Variants in PPM1H observed in about 807,000 individuals in gnomAD.
PPM1H encodes protein phosphatase, Mg2+/Mn2+ dependent 1H, also known as protein phosphatase 1H.
PPM1H carries 27 observed loss-of-function variants against 54.9 expected under a neutral mutation model. The ratio of observed to expected loss-of-function variants is 0.49; its 90% confidence interval spans 0.36 to 0.68. PPM1H has a LOEUF of 0.68. Among genes scored for constraint, PPM1H ranks in the 30% least tolerant of loss-of-function variants. The pLI, the probability that PPM1H is intolerant of heterozygous loss-of-function variation, is 0.00. For missense variants in PPM1H, 596 were observed against 667.8 expected (o/e 0.89, Z 1.19); for synonymous variants, 305 against 270.8 (o/e 1.13, Z -1.24).
chr12:62,683,032 ATTTATTATTATTATTAT>A (rs1335821062), intron 8 of PPM1H, among the ~76,000 whole-genome samples: 4 of 126,356 alleles, frequency 3.2e-5, no homozygotes, highest in Non-Finnish European at 5.0e-5. Flanking sequence ...AGAGTTTATT[ATTTATTATTATTATTAT>A]TATTATTATT....
intron 9 of PPM1H, among the ~76,000 whole-genome samples, chr12:62,651,718 CAATTT>C (rs2075817744): frequency 6.6e-6 from 1 of 152,156 alleles, no homozygotes; most frequent in African/African-American, 2.4e-5. Context: ...CTTGCTTTCT[CAATTT>C]ATTACTTCCC....
At chr12:62,811,179 C>G (rs2076833087) in intron 2 of PPM1H, among the ~76,000 whole-genome samples, 1 of 152,168 alleles carries the variant, frequency 6.6e-6, no homozygotes, top group Non-Finnish European at 1.5e-5. Context: ...TGAAACTGCT[C>G]TGAATCCCTG....
chr12:62,659,164 CCCAGCTGG>C, intron 9 of PPM1H: 2 of 726,372 alleles, frequency 2.8e-6, no homozygotes, highest in Non-Finnish European at 5.1e-6. Flanking sequence ...GAAAGAGCTG[CCCAGCTGG>C]CCATCAGAGT....
chr12:62,752,480 G>A (rs2076447835), intron 4 of PPM1H, among the ~76,000 whole-genome samples: 1 of 152,150 alleles, frequency 6.6e-6, no homozygotes, highest in Admixed American at 6.5e-5. Context: ...CATGTGTTCA[G>A]ATCCCCCCAA....
chr12:62,875,039 A>T (rs1870111571), intron 1 of PPM1H, among the ~76,000 whole-genome samples: 1 of 152,242 alleles, frequency 6.6e-6, no homozygotes, highest in South Asian at 2.1e-4. Flanking sequence ...GCTGAGTTCC[A>T]ACAGGCACTG....
Position 62,678,097 on chromosome 12 carries a change from C to T in PPM1H, c.1246-10768G>A, listed in dbSNP as rs184898073. Reference sequence around the variant, plus strand: ...AAGAAGCTGGTACCACAGGTGCACACTACCATGCCTGGCTAAGTTTTGTGT... The same window carrying T: ...AAGAAGCTGGTACCACAGGTGCACATTACCATGCCTGGCTAAGTTTTGTGT... On this transcript the variant is annotated intron_variant, in intron 8 of 9. Transcript: ENST00000228705. Among the ~76,000 whole-genome samples the T allele has an allele frequency of 9.8e-5, 15 of 152,338 alleles. No homozygotes were observed. In the East Asian group the frequency reaches 2.9e-3, roughly 29 times the overall value.
intron 4 of PPM1H, among the ~76,000 whole-genome samples, chr12:62,782,513 T>C (rs2076648351): frequency 6.6e-6 from 1 of 152,114 alleles, no homozygotes; most frequent in Non-Finnish European, 1.5e-5. Context: ...GAAAGATAAA[T>C]GAAAGGAAAC....
intron 1 of PPM1H, among the ~76,000 whole-genome samples, chr12:62,849,158 G>A (rs1380305654): frequency 6.6e-6 from 1 of 152,168 alleles, no homozygotes; most frequent in East Asian, 1.9e-4. Flanking sequence ...AAGGGGTACA[G>A]GGCATCTGGA....
chr12:62,826,237 G>A (rs1441882826), intron 2 of PPM1H, among the ~76,000 whole-genome samples: 1 of 152,164 alleles, frequency 6.6e-6, no homozygotes, highest in East Asian at 1.9e-4. Flanking sequence ...ATCCCCTGAG[G>A]TCAGAAGTTC....
In PPM1H at chr12:62,648,233, C is replaced by A; in HGVS notation, c.*256G>T. On this transcript the variant is annotated 3_prime_UTR_variant, in exon 10 of 10. Transcript: ENST00000228705. ...AATAGTCAATGGCCACCTCGGAGGC[C>A]TATGAAAGGAACTGAAATACAACAA... The A allele has an allele frequency of 2.3e-6, 1 of 425,732 alleles. No individual in the cohort carries two copies. The highest frequency in any genetic ancestry group is 4.1e-5 in the East Asian group (1 of 24,488). 26.4% of individuals were successfully genotyped at this position (425,732 alleles called of 1,614,324 possible).
chr12:62,669,116 T>C (rs1220075785), intron 8 of PPM1H, among the ~76,000 whole-genome samples: 3 of 152,256 alleles, frequency 2.0e-5, no homozygotes, highest in African/African-American at 7.2e-5. Flanking sequence ...CCAAAAGGCA[T>C]GCTCACTTAA....
At position 62,745,739 on chromosome 12, in the gene PPM1H, T is replaced by A. The variant is rs543540270; in HGVS notation, c.870-8153A>T. ...TGTCTGTACTTTTCTACATCACTTGTGCTTTATGGAAAGGACCCAGAAAAA... is the reference window on the plus strand; with the variant it reads ...TGTCTGTACTTTTCTACATCACTTGAGCTTTATGGAAAGGACCCAGAAAAA... On this transcript the variant is annotated intron_variant, in intron 4 of 9. Transcript: ENST00000228705. Among the ~76,000 whole-genome samples the A allele has an allele frequency of 9.6e-4, 146 of 152,346 alleles. 1 individual carries two copies. The highest frequency in any genetic ancestry group is 6.8e-3 in the Middle Eastern group (2 of 294).
intron 7 of PPM1H, among the ~76,000 whole-genome samples, chr12:62,692,581 G>GA (rs2076089293): frequency 6.6e-6 from 1 of 152,106 alleles, no homozygotes; most frequent in African/African-American, 2.4e-5. Context: ...GAACTCACTG[G>GA]ATATTAAAGG....
intron 2 of PPM1H, among the ~76,000 whole-genome samples, chr12:62,823,370 G>T (rs891588846): frequency 6.6e-6 from 1 of 152,172 alleles, no homozygotes; most frequent in African/African-American, 2.4e-5. Context: ...TAGAAAAAGA[G>T]GGAATTCTTC....
In PPM1H at chr12:62,667,285, A is replaced by G. The variant is rs753955753; in HGVS notation, c.1290T>C (p.Asp430=). 1.1e-5 allele frequency: 17 copies of G among 1,607,504 alleles called. No homozygotes were observed. Among genetic ancestry groups the G allele is most frequent in the Non-Finnish European group, 1.4e-5 (16 of 1,175,154 alleles). The change falls in exon 9 of 10, where the codon GAT becomes GAC. Residue 430 remains aspartate, a synonymous_variant. Coordinates refer to ENST00000228705, the MANE Select transcript of PPM1H (RefSeq NM_020700.2). ...GTCCATCAGTGGCCAAGATCAGCAC[A>G]TCATCTGATCCATGATCATATTTTG... ...DLSKYDHGSD[D]VLILATDGLW... is the part of the protein sequence containing the mutation.
chr12:62,713,990 C>A (rs567961067), intron 6 of PPM1H, among the ~76,000 whole-genome samples: 2 of 151,900 alleles, frequency 1.3e-5, no homozygotes, highest in East Asian at 1.9e-4. Flanking sequence ...AAAAAACAAA[C>A]CAAAACAAAA....
intron 5 of PPM1H, among the ~76,000 whole-genome samples, chr12:62,732,889 T>C (rs1011002126): frequency 1.3e-5 from 2 of 152,182 alleles, no homozygotes; most frequent in Admixed American, 6.5e-5. Context: ...CTGTTAATTT[T>C]TCAGTGACTA....
At chr12:62,673,554 T>C (rs2075968178) in intron 8 of PPM1H, among the ~76,000 whole-genome samples, 1 of 151,944 alleles carries the variant, frequency 6.6e-6, no homozygotes, top group African/African-American at 2.4e-5. Flanking sequence ...TTCAGCAGAT[T>C]CTCCAAACTG....
At chr12:62,744,828 T>C (rs1592575834) in intron 4 of PPM1H, among the ~76,000 whole-genome samples, 1 of 152,236 alleles carries the variant, frequency 6.6e-6, no homozygotes, top group African/African-American at 2.4e-5. Context: ...GAGACACTTC[T>C]CTGCTCTGAC....
Sources: gnomAD v4.1 joint callset for allele counts (sites outside exome capture counted in the v4.1 genomes callset) on GRCh38, gnomAD v4.1.1 for gene constraint, MANE v1.5 for transcripts, NCBI Gene and HGNC (gene_info 2026-07-23, HGNC 2026-07-21) for gene names.